CATSPERE: variants seen among roughly 807,000 people sequenced by gnomAD.
CATSPERE encodes cation channel sperm-associated auxiliary subunit epsilon.
CATSPERE carries 93 observed loss-of-function variants against 114.1 expected under a neutral mutation model. That is an observed-to-expected ratio of 0.81 (90% confidence interval 0.69 to 0.97). CATSPERE has a LOEUF of 0.97. Ranked by LOEUF, CATSPERE falls within the 50% of genes least tolerant of loss-of-function variation. CATSPERE has a pLI of 0.00. For synonymous variants in CATSPERE, 341 were observed against 384.1 expected (o/e 0.89, Z 1.31); for missense variants, 1,058 against 1,131.6 (o/e 0.93, Z 0.93).
chr1:244,515,495 T>C (rs1431551900), intron 7 of CATSPERE, among the ~76,000 whole-genome samples: 1 of 152,226 alleles, frequency 6.6e-6, no homozygotes, highest in Non-Finnish European at 1.5e-5. Context: ...GAACTAGATA[T>C]AAAATTTGGG....
chr1:244,545,652 C>T (rs976914798), intron 8 of CATSPERE, among the ~76,000 whole-genome samples: 2 of 152,178 alleles, frequency 1.3e-5, no homozygotes, highest in Non-Finnish European at 2.9e-5. Flanking sequence ...TTAGCAGAGA[C>T]CGAATGCTTG....
At chr1:244,576,988 TTA>T (rs1190488061) in intron 11 of CATSPERE, among the ~76,000 whole-genome samples, 2 of 152,188 alleles carry the variant, frequency 1.3e-5, no homozygotes, top group African/African-American at 4.8e-5. Context: ...GGTCCATTTA[TTA>T]TAGTTCTTCA....
intron 8 of CATSPERE, among the ~76,000 whole-genome samples, chr1:244,519,274 A>C (rs1677137842): frequency 6.6e-6 from 1 of 152,172 alleles, no homozygotes; most frequent in Non-Finnish European, 1.5e-5. Context: ...AAGAGGGTGC[A>C]CCAACTCTGG....
At position 244,561,961 on chromosome 1, in the gene CATSPERE, G is replaced by T. The variant is rs145231490; in HGVS notation, c.1507+816G>T. Among the ~76,000 whole-genome samples the T allele has an allele frequency of 4.4e-3, 670 of 152,104 alleles. 6 individuals carry two copies. The highest frequency in any genetic ancestry group is 0.016 in the African/African-American group (648 of 41,484). On this transcript the variant is annotated intron_variant, in intron 10 of 21. Coordinates refer to ENST00000366534, the MANE Select transcript of CATSPERE (RefSeq NM_001130957.2). ...GACTCCAGGAGTTCGAGTCCAGCCTGTGCAACATGGTGAGACCTCATCCCT... is the reference window on the plus strand; with the variant it reads ...GACTCCAGGAGTTCGAGTCCAGCCTTTGCAACATGGTGAGACCTCATCCCT...
Position 244,461,315 on chromosome 1 carries a change from C to A in CATSPERE, c.-115C>A. On this transcript the variant is annotated 5_prime_UTR_variant, in exon 1 of 22. Transcript: ENST00000366534. ...GTCTTCAGGCCCGGCCCGCCCTGTC[C>A]AGAGGCGCCGGGACCCAGGCGCCTG... 1 of 907,306 alleles carries A rather than the reference C, an allele frequency of 1.1e-6. No individual in the cohort carries two copies. Among genetic ancestry groups the A allele is most frequent in the Non-Finnish European group, 1.5e-6 (1 of 680,374 alleles). The allele number at this position is 907,306 out of a possible 1,614,324, so 56.2% of individuals were successfully genotyped here.
At chr1:244,635,412 T>TA in intron 20 of CATSPERE, 77 bp from the exon 21 acceptor site, 1 of 1,041,416 alleles carries the variant, frequency 9.6e-7, no homozygotes, top group Admixed American at 1.9e-5. Flanking sequence ...GTTTGATTGT[T>TA]ACCATAGGGA....
chr1:244,622,727 C>T (rs1350903484), intron 20 of CATSPERE, among the ~76,000 whole-genome samples: 1 of 152,132 alleles, frequency 6.6e-6, no homozygotes, highest in Non-Finnish European at 1.5e-5. Context: ...CACTTTGGTT[C>T]TTAGATTCCC....
chr1:244,586,212 C>G (rs1311756398), intron 13 of CATSPERE, among the ~76,000 whole-genome samples: 1 of 152,198 alleles, frequency 6.6e-6, no homozygotes, highest in Admixed American at 6.5e-5. Flanking sequence ...GCTCCCCACA[C>G]TATACCTGCA....
upstream of CATSPERE, among the ~76,000 whole-genome samples, chr1:244,457,773 C>G (rs1186802188): frequency 1.3e-5 from 2 of 152,176 alleles, no homozygotes; most frequent in African/African-American, 4.8e-5. Flanking sequence ...GATATTAAGT[C>G]CTCTAAAGTC....
chr1:244,612,919 G>C (rs1194597424), intron 19 of CATSPERE, among the ~76,000 whole-genome samples: 3 of 152,210 alleles, frequency 2.0e-5, no homozygotes, highest in African/African-American at 4.8e-5. Context: ...GGGAGAGGGG[G>C]AAGTTTTAAT....
intron 20 of CATSPERE, among the ~76,000 whole-genome samples, chr1:244,632,788 G>A (rs1302382779): frequency 2.6e-5 from 4 of 152,016 alleles, no homozygotes; most frequent in Admixed American, 1.3e-4. Flanking sequence ...TAACTCTAAC[G>A]ATATCAACAA....
rs934526772 is a variant in CATSPERE at position 244,633,128 on chromosome 1, G to A, written c.2649-2361G>A. The stretch of plus-strand genomic sequence containing the variant: ...GCTTCAAAATACATGAAACAAAAAC[G>A]GATAGAACTAAACAGAGAAACAGAC... On this transcript the variant is annotated intron_variant, in intron 20 of 21. Coordinates refer to ENST00000366534, the MANE Select transcript of CATSPERE (RefSeq NM_001130957.2). The surrounding 1 kb of genome is among the most constrained non-coding windows in gnomAD (Gnocchi z 4.1). 8.6e-5 allele frequency among the ~76,000 whole-genome samples: 13 copies of A among 152,042 alleles called. No individual in the cohort carries two copies. Among genetic ancestry groups the A allele is most frequent in the Non-Finnish European group, 1.5e-4 (10 of 68,004 alleles).
At chr1:244,537,539 T>C (rs1332548359) in intron 8 of CATSPERE, among the ~76,000 whole-genome samples, 2 of 152,232 alleles carry the variant, frequency 1.3e-5, no homozygotes, top group African/African-American at 4.8e-5. Flanking sequence ...GAAGAGTTTC[T>C]AGAGAATTAG....
At chr1:244,462,938 C>A (rs1667041582) in intron 1 of CATSPERE, among the ~76,000 whole-genome samples, 1 of 152,064 alleles carries the variant, frequency 6.6e-6, no homozygotes, top group Non-Finnish European at 1.5e-5. Context: ...GGAATAGATT[C>A]TTGAAGCAAA....
At chr1:244,490,582 A>G (rs936071881) in intron 6 of CATSPERE, 111 bp downstream of exon 6, 5 of 718,636 alleles carry the variant, frequency 7.0e-6, no homozygotes, top group African/African-American at 3.6e-5. Flanking sequence ...TTTTGCAATG[A>G]TATTTGCTTA....
intron 20 of CATSPERE, among the ~76,000 whole-genome samples, chr1:244,629,503 CTTTTTTT>C (rs369560104): frequency 4.9e-5 from 4 of 82,300 alleles, no homozygotes; most frequent in African/African-American, 2.0e-4. Flanking sequence ...TCTCTCTTAC[CTTTTTTT>C]TTTTTTTTTT....
intron 7 of CATSPERE, among the ~76,000 whole-genome samples, chr1:244,515,959 T>G (rs28551509): frequency 0.11 from 17,321 of 151,522 alleles, 1,576 homozygotes; most frequent in African/African-American, 0.25. Flanking sequence ...TTTGGAAGGC[T>G]GAGGCAGGAG....
chr1:244,554,282 A>AT (rs1661242734), intron 9 of CATSPERE, among the ~76,000 whole-genome samples: 1 of 152,194 alleles, frequency 6.6e-6, no homozygotes, highest in South Asian at 2.1e-4. Flanking sequence ...GGTCGTACTA[A>AT]TTTACATTCC....
chr1:244,577,024 T>G (rs1665367965), intron 11 of CATSPERE, among the ~76,000 whole-genome samples: 1 of 152,094 alleles, frequency 6.6e-6, no homozygotes, highest in Admixed American at 6.5e-5. Flanking sequence ...GTAACCTTGC[T>G]CATAATGCAT....
Sources: allele counts gnomAD v4.1 joint callset (sites outside exome capture counted in the v4.1 genomes callset), GRCh38; gene constraint gnomAD v4.1.1; non-coding constraint Gnocchi (gnomAD v3.1); transcripts MANE v1.5; gene names NCBI Gene and HGNC (gene_info 2026-07-23, HGNC 2026-07-21).